The following GALNT14 variants were observed in gnomAD, a reference collection of about 807,000 sequenced individuals.
GALNT14 encodes the protein polypeptide N-acetylgalactosaminyltransferase 14.
GALNT14 carries 60 observed loss-of-function variants against 77.5 expected under a neutral mutation model. The ratio of observed to expected loss-of-function variants is 0.77; its 90% CI spans 0.63 to 0.96. The LOEUF (loss-of-function observed/expected upper bound fraction) is 0.96, where lower values mean the gene tolerates loss of function less well. Among genes scored for constraint, GALNT14 ranks in the 40% least tolerant of loss-of-function variants. GALNT14 has a pLI of 0.00. For synonymous variants in GALNT14, 280 were observed against 281.7 expected (o/e 0.99, Z 0.06); for missense variants, 710 against 731.0 (o/e 0.97, Z 0.33).
intron 1 of GALNT14, chr2:31,078,972 TGGGA>T: frequency 1.6e-6 from 2 of 1,289,200 alleles, no homozygotes; most frequent in Non-Finnish European, 2.0e-6. Context: ...GTTCCATGCC[TGGGA>T]GGGAGAGCAG....
chr2:31,088,939 G>A (rs562219505), intron 1 of GALNT14, among the ~76,000 whole-genome samples: 6 of 152,192 alleles, frequency 3.9e-5, no homozygotes, highest in Non-Finnish European at 8.8e-5. Context: ...GGAAACAGCA[G>A]ATGCAGATAC....
Position 30,955,697 on chromosome 2 carries a change from C to A in GALNT14, c.575G>T (p.Gly192Val). 6 of 1,614,182 alleles carry A rather than the reference C, an allele frequency of 3.7e-6. No individual in the cohort carries two copies. The highest frequency in any genetic ancestry group is 5.1e-6 in the Non-Finnish European group (6 of 1,180,032). ...SRIRGADIAQ[G>V]TTLTFLDSHC... ...GCTGTCGAGGAAAGTCAGAGTGGTG[C>A]CCTGGGCGATGTCAGCGCCCCGAAT... The change falls in exon 6 of 15, where the codon GGC becomes GTC. Residue 192 changes from glycine (G) to valine (V), a missense_variant. By Grantham distance (109) the Gly-to-Val change is moderately radical (BLOSUM62 -3). Coordinates refer to ENST00000349752, the MANE Select transcript of GALNT14 (RefSeq NM_024572.4).
At chr2:31,057,312 TATATAA>T (rs1310756230) in intron 1 of GALNT14, among the ~76,000 whole-genome samples, 142 of 144,108 alleles carry the variant, frequency 9.9e-4, no homozygotes, top group African/African-American at 3.5e-3. Flanking sequence ...TATATATATA[TATATAA>T]AATTATATAT....
intron 1 of GALNT14, among the ~76,000 whole-genome samples, chr2:31,065,745 C>A (rs1314477060): frequency 6.6e-6 from 1 of 152,152 alleles, no homozygotes; most frequent in East Asian, 1.9e-4. Context: ...GAGCCTCTGA[C>A]CTTGAGATAG....
intron 2 of GALNT14, 33 bp downstream of exon 2, chr2:30,992,805 C>CG (rs1669787030): frequency 6.2e-7 from 1 of 1,604,492 alleles, no homozygotes; most frequent in Non-Finnish European, 8.5e-7. Flanking sequence ...CTTTTGACTG[C>CG]GGGGGTAACA....
intron 1 of GALNT14, among the ~76,000 whole-genome samples, chr2:31,024,879 G>A (rs1224107252): frequency 1.3e-5 from 2 of 152,132 alleles, no homozygotes; most frequent in Admixed American, 6.6e-5. Flanking sequence ...AGGGCTCTAG[G>A]ACCATGAGCT....
chr2:31,113,268 A>C (rs935866832), intron 1 of GALNT14, among the ~76,000 whole-genome samples: 2 of 152,178 alleles, frequency 1.3e-5, no homozygotes, highest in Non-Finnish European at 2.9e-5. Context: ...AGCCACTGAG[A>C]GCAGCACACA....
Position 30,910,956 on chromosome 2 carries a change from A to C in GALNT14, c.1604T>G (p.Val535Gly), listed in dbSNP as rs770016745. Residue 535 changes from valine to glycine, a missense_variant, in exon 15 of 15, where the codon GTC becomes GGC. Physicochemically the swap from Val to Gly is moderately radical, Grantham distance 109. Transcript: ENST00000349752. ...DGTENGKEIV[V>G]NPCESSLMSQ... is the part of the protein sequence containing the mutation. ...CATGAGTGAGGACTCACATGGGTTG[A>C]CGACGATTTCCTTGCCGTTCTCGGT... The C allele has an allele frequency of 1.8e-5, 29 of 1,613,524 alleles. No individual in the cohort carries two copies. The highest frequency in any genetic ancestry group is 2.3e-5 in the Non-Finnish European group (27 of 1,179,964).
intron 2 of GALNT14, among the ~76,000 whole-genome samples, chr2:30,976,123 A>G (rs1668610211): frequency 6.6e-6 from 1 of 152,178 alleles, no homozygotes; most frequent in South Asian, 2.1e-4. Context: ...TAATTACTGA[A>G]CACAGAAGGC....
chr2:30,935,643 T>G (rs1205418533), intron 9 of GALNT14, among the ~76,000 whole-genome samples: 1 of 152,204 alleles, frequency 6.6e-6, no homozygotes, highest in African/African-American at 2.4e-5. Flanking sequence ...TGATGATTTA[T>G]AGGGATGACA....
chr2:30,912,318 G>T lies in GALNT14; in HGVS notation c.1405C>A (p.Gln469Lys), dbSNP rs2288101. The T allele has an allele frequency of 0.23, 376,406 of 1,613,674 alleles. 44,944 individuals are homozygous for T. Among genetic ancestry groups the T allele is most frequent in the Non-Finnish European group, 0.24 (282,400 of 1,179,750 alleles). The change falls in exon 14 of 15, where the codon CAG becomes AAG. Residue 469 changes from glutamine to lysine, a missense_variant. Coordinates refer to ENST00000349752, the MANE Select transcript of GALNT14 (RefSeq NM_024572.4). Reference sequence around the variant, plus strand: ...AGGCACAGCTCCTCCTGGAGGATCTGCTGGGTGTATGTGAAGGCCCATACC... The same window carrying T: ...AGGCACAGCTCCTCCTGGAGGATCTTCTGGGTGTATGTGAAGGCCCATACC... ...SQVWAFTYTQQILQEELCLSV... is the reference protein window; with the variant it reads ...SQVWAFTYTQKILQEELCLSV...
chr2:30,912,282 T>C lies in GALNT14; in HGVS notation c.1441A>G (p.Thr481Ala), dbSNP rs776231553. The C allele has an allele frequency of 6.2e-7, 1 of 1,613,946 alleles. No individual in the cohort carries two copies. Among genetic ancestry groups the C allele is most frequent in the Non-Finnish European group, 8.5e-7 (1 of 1,179,994 alleles). Residue 481 changes from threonine (T) to alanine (A), a missense_variant, in exon 14 of 15, where the codon ACC becomes GCC. Coordinates refer to ENST00000349752, the MANE Select transcript of GALNT14 (RefSeq NM_024572.4). ...LQEELCLSVI[T>A]LFPGAPVVLV... ...ACCACTGGGGCGCCAGGGAACAAGGTGATGACTGACAGGCACAGCTCCTCC... is the reference window on the plus strand; with the variant it reads ...ACCACTGGGGCGCCAGGGAACAAGGCGATGACTGACAGGCACAGCTCCTCC...
At chr2:31,107,888 C>T (rs1191334661) in intron 1 of GALNT14, among the ~76,000 whole-genome samples, 2 of 152,302 alleles carry the variant, frequency 1.3e-5, no homozygotes, top group African/African-American at 4.8e-5. Context: ...TTGAGGGCTG[C>T]TCTCCCATAG....
At chr2:30,997,684 T>A (rs1670121199) in intron 1 of GALNT14, among the ~76,000 whole-genome samples, 1 of 152,224 alleles carries the variant, frequency 6.6e-6, no homozygotes, top group South Asian at 2.1e-4. Context: ...CGTTATCCCG[T>A]TTAAAGTTTT....
intron 3 of GALNT14, among the ~76,000 whole-genome samples, chr2:30,960,140 C>T (rs1245548821): frequency 6.6e-6 from 1 of 152,116 alleles, no homozygotes. Context: ...TCTCTGTCTT[C>T]GGGAGCTCAT....
chr2:31,113,350 A>G (rs1289733849), intron 1 of GALNT14, among the ~76,000 whole-genome samples: 1 of 152,086 alleles, frequency 6.6e-6, no homozygotes. Context: ...GTTGAGAGAG[A>G]GCCTGGAGAA....
chr2:30,913,779 G>A (rs774510184), intron 13 of GALNT14, among the ~76,000 whole-genome samples: 1 of 152,174 alleles, frequency 6.6e-6, no homozygotes, highest in African/African-American at 2.4e-5. Flanking sequence ...ACTCCCTGGG[G>A]AGAGATGCAA....
chr2:30,951,551 A>G (rs1312951068), intron 6 of GALNT14, among the ~76,000 whole-genome samples: 3 of 152,250 alleles, frequency 2.0e-5, no homozygotes, highest in Non-Finnish European at 4.4e-5. Context: ...TGATTACACA[A>G]CCTTGTGAAT....
Position 30,954,298 on chromosome 2 carries a change from C to T in GALNT14, c.654+1320G>A, listed in dbSNP as rs188347831. Among the ~76,000 whole-genome samples the T allele has an allele frequency of 1.7e-4, 26 of 152,300 alleles. No homozygotes were observed. In the East Asian group the frequency reaches 5.0e-3, roughly 29 times the overall value. On this transcript the variant is annotated intron_variant, in intron 6 of 14. Transcript: ENST00000349752. ...TGCCAGGAGAGGCCCTTCAACATTT[C>T]CCAATCCAGACCTCTTTGCCTAGAA...
Sources: gnomAD v4.1 joint callset for allele counts (sites outside exome capture counted in the v4.1 genomes callset) on GRCh38, gnomAD v4.1.1 for gene constraint, MANE v1.5 for transcripts, NCBI Gene and HGNC (gene_info 2026-07-23, HGNC 2026-07-21) for gene names.